KLHL1: variants seen among roughly 807,000 people sequenced by gnomAD.
The protein encoded by KLHL1 is kelch like family member 1, also known as kelch-like protein 1.
A neutral mutation model predicts 77.7 loss-of-function variants in KLHL1; 47 were observed. That is an observed-to-expected ratio of 0.60 (90% CI 0.48 to 0.77). The LOEUF (loss-of-function observed/expected upper bound fraction) is 0.77, where lower values mean the gene tolerates loss of function less well. KLHL1 is among the 30% of genes least tolerant of loss of function. The pLI, the probability that KLHL1 is intolerant of heterozygous loss-of-function variation, is 0.00. For missense variants in KLHL1, 925 were observed against 910.8 expected (o/e 1.02, Z -0.20); for synonymous variants, 360 against 325.2 (o/e 1.11, Z -1.15).
At chr13:69,703,735 C>CAAAA (rs1323473581) in intron 10 of KLHL1, among the ~76,000 whole-genome samples, 2 of 151,612 alleles carry the variant, frequency 1.3e-5, no homozygotes, top group Admixed American at 1.3e-4. Context: ...ATGTTCGATA[C>CAAAA]ACAAACAAAC....
At chr13:70,094,083 A>T (rs1000321944) in intron 1 of KLHL1, among the ~76,000 whole-genome samples, 2 of 152,170 alleles carry the variant, frequency 1.3e-5, no homozygotes, top group African/African-American at 4.8e-5. Flanking sequence ...TTAACACAAG[A>T]AAGTTAGATT....
At chr13:69,777,951 C>A (rs1017527183) in intron 7 of KLHL1, among the ~76,000 whole-genome samples, 5 of 151,848 alleles carry the variant, frequency 3.3e-5, no homozygotes, top group African/African-American at 1.2e-4. Flanking sequence ...GACAAATGTT[C>A]CTCATTTTTA....
At chr13:69,984,202 G>C (rs1884801809) in intron 1 of KLHL1, among the ~76,000 whole-genome samples, 1 of 152,110 alleles carries the variant, frequency 6.6e-6, no homozygotes, top group Admixed American at 6.6e-5. Flanking sequence ...CAGATAGTGA[G>C]GGTACGGATG....
chr13:69,898,988 T>C (rs934904815), intron 4 of KLHL1, among the ~76,000 whole-genome samples: 6 of 150,406 alleles, frequency 4.0e-5, no homozygotes, highest in East Asian at 4.0e-4. Flanking sequence ...TCAGCTGCAA[T>C]TGATATCACA....
chr13:70,060,690 C>A (rs1886859559), intron 1 of KLHL1, among the ~76,000 whole-genome samples: 1 of 151,736 alleles, frequency 6.6e-6, no homozygotes, highest in African/African-American at 2.4e-5. Context: ...ACCACAGATA[C>A]AAAAAATTAG....
At chr13:69,758,385 T>G (rs1267295417) in intron 7 of KLHL1, among the ~76,000 whole-genome samples, 1 of 152,174 alleles carries the variant, frequency 6.6e-6, no homozygotes, top group Non-Finnish European at 1.5e-5. Context: ...AATTTTTTTC[T>G]GTTTTCCTCA....
At chr13:69,725,084 C>T (rs565731723) in intron 8 of KLHL1, among the ~76,000 whole-genome samples, 129 of 152,222 alleles carry the variant, frequency 8.5e-4, no homozygotes, top group African/African-American at 2.8e-3. Context: ...TGCCAGAAAA[C>T]CTGTCCAACC....
chr13:70,064,627 A>G (rs142044717), intron 1 of KLHL1, among the ~76,000 whole-genome samples: 127 of 152,294 alleles, frequency 8.3e-4, no homozygotes, highest in African/African-American at 2.8e-3. Flanking sequence ...AGGGTAAGAG[A>G]CTATTGCCTA....
chr13:70,036,859 T>C (rs1283551320), intron 1 of KLHL1, among the ~76,000 whole-genome samples: 5 of 85,842 alleles, frequency 5.8e-5, no homozygotes, highest in South Asian at 8.1e-4. Context: ...TTTTTTTTTT[T>C]CTGTCTCAGT....
Position 69,708,551 on chromosome 13 carries a change from G to A in KLHL1, c.2016-755C>T, listed in dbSNP as rs895373266. Among the ~76,000 whole-genome samples, 15 of 152,110 alleles carry A rather than the reference G, an allele frequency of 9.9e-5. No homozygotes were observed. In the South Asian group the frequency reaches 2.3e-3, roughly 23 times the overall value. ...AGTGACATTGCTCAGGATTCACAGT[G>A]AGGGAAAGACTAGTAATTCAAGAGA... is the stretch of plus-strand genomic sequence containing the variant. On this transcript the variant is annotated intron_variant, in intron 9 of 10. Coordinates refer to ENST00000377844, the MANE Select transcript of KLHL1 (RefSeq NM_020866.3).
At chr13:70,014,806 CGCTT>C (rs1383957110) in intron 1 of KLHL1, among the ~76,000 whole-genome samples, 1 of 152,078 alleles carries the variant, frequency 6.6e-6, no homozygotes, top group Non-Finnish European at 1.5e-5. Flanking sequence ...GATAAACAGA[CGCTT>C]GCTTTTGTGG....
At chr13:69,955,038 G>A (rs1172480190) in intron 3 of KLHL1, among the ~76,000 whole-genome samples, 1 of 150,864 alleles carries the variant, frequency 6.6e-6, no homozygotes, top group Non-Finnish European at 1.5e-5. Flanking sequence ...GTCTTTGAAG[G>A]CTCAGTCTCT....
At chr13:69,821,090 T>A (rs543696665) in intron 6 of KLHL1, among the ~76,000 whole-genome samples, 57 of 152,080 alleles carry the variant, frequency 3.7e-4, no homozygotes, top group African/African-American at 1.3e-3. Context: ...AATTTGAATT[T>A]TAAAAAAATA....
chr13:70,077,208 A>G (rs1345542958), intron 1 of KLHL1, among the ~76,000 whole-genome samples: 1 of 152,036 alleles, frequency 6.6e-6, no homozygotes, highest in Non-Finnish European at 1.5e-5. Flanking sequence ...AGAAGCAGTC[A>G]AGATGTTCTT....
At position 69,961,179 on chromosome 13, in the gene KLHL1, C is replaced by T. The variant is rs112468352; in HGVS notation, c.817+129G>A. 2.0e-3 allele frequency: 1,444 copies of T among 739,504 alleles called. 24 individuals carry two copies. The African/African-American group carries it at 0.024, about 12-fold the overall frequency. 45.8% of individuals were successfully genotyped at this position (739,504 alleles called of 1,614,324 possible). A position where few individuals can be genotyped will look rare whatever the true frequency, so the allele number is the denominator to read the frequency against. ...GACAACAAAAAGTCTGATTTTTGAT[C>T]TACTAGTTTTCAACTGAAAAGATAC... On this transcript the variant is annotated intron_variant, in intron 3 of 10. Coordinates refer to ENST00000377844, the MANE Select transcript of KLHL1 (RefSeq NM_020866.3).
At chr13:69,831,142 A>G (rs1878744669) in intron 6 of KLHL1, among the ~76,000 whole-genome samples, 1 of 150,036 alleles carries the variant, frequency 6.7e-6, no homozygotes, top group South Asian at 2.1e-4. Context: ...AATACAATAG[A>G]TAAGTAAAAC....
rs766532705 is a variant in KLHL1 at position 70,107,462 on chromosome 13, A to G, written c.238T>C (p.Ser80Pro). Residue 80 changes from serine (S) to proline (P), a missense_variant, in exon 1 of 11, where the codon TCC (serine) becomes CCC (proline). By Grantham distance (74) the Ser-to-Pro change is moderately conservative. Transcript: ENST00000377844. ...GAAGAGGAGGAAGAGGACGGGGAGG[A>G]CGATGAAGAGGAAGAGGAGGAAGGC... is the stretch of plus-strand genomic sequence containing the variant. ...KKPSSSSSSSSSPSSSSSSFN... is the reference protein window; with the variant it reads ...KKPSSSSSSSPSPSSSSSSFN... 172 of 1,613,912 alleles carry G rather than the reference A, an allele frequency of 1.1e-4. No homozygotes were observed. Among genetic ancestry groups the G allele is most frequent in the Non-Finnish European group, 1.3e-4 (157 of 1,180,002 alleles).
In KLHL1 at chr13:69,778,792, C is replaced by CTTT. The variant is rs1172258314; in HGVS notation, c.1639+17943_1639+17945dup. On this transcript the variant is annotated intron_variant, in intron 7 of 10. Transcript: ENST00000377844. ...AATATTGAAGGCAGGTATTCCCTCT[C>CTTT]TTTTTTTTTTTTTTTTTTTTTTTTG... 5.7e-3 allele frequency among the ~76,000 whole-genome samples: 568 copies of CTTT among 99,158 alleles called. 2 individuals are homozygous for CTTT. Among genetic ancestry groups the CTTT allele is most frequent in the East Asian group, 0.015 (50 of 3,268 alleles). 65.1% of individuals were successfully genotyped at this position (99,158 alleles called of 152,430 possible).
chr13:69,905,481 GAATTA>G (rs922388256), intron 4 of KLHL1, among the ~76,000 whole-genome samples: 3 of 151,858 alleles, frequency 2.0e-5, no homozygotes, highest in Non-Finnish European at 2.9e-5. Context: ...CCCTTTTCAT[GAATTA>G]AATTATTGAT....
Sources: gnomAD v4.1 joint callset for allele counts (sites outside exome capture counted in the v4.1 genomes callset) on GRCh38, gnomAD v4.1.1 for gene constraint, MANE v1.5 for transcripts, NCBI Gene and HGNC (gene_info 2026-07-23, HGNC 2026-07-21) for gene names.